The following CYCS variants were observed in gnomAD, a reference collection of about 807,000 sequenced individuals.
CYCS encodes cytochrome c.
For synonymous variants in CYCS, 41 were observed against 43.0 expected, an observed-to-expected ratio of 0.95 and a Z score of 0.18; for missense variants, 87 against 125.3, an observed-to-expected ratio of 0.69 and a Z score of 1.46.
rs948206041 is a variant in CYCS, at chr7:25,118,917, T to C, written c.*4784A>G. 3.9e-5 allele frequency among the ~76,000 whole-genome samples: 6 copies of C among 152,216 alleles called. No homozygotes were observed. The highest frequency in any genetic ancestry group is 2.6e-4 in the Admixed American group (4 of 15,280). On this transcript the variant is annotated 3_prime_UTR_variant, in exon 3 of 3. Transcript: ENST00000305786. ...TTACTTAGCTTTCTGAGGGAAATGA[T>C]AGCCTGAAGGCATGACGTTTTCAAA...
chr7:25,122,230 C>T lies in CYCS; in HGVS notation c.*1471G>A, dbSNP rs1783374567. The T allele has an allele frequency of 6.6e-6, 1 of 152,190 alleles. No individual in the cohort carries two copies. The highest frequency in any genetic ancestry group is 1.5e-5 in the Non-Finnish European group (1 of 68,022). 9.4% of individuals were successfully genotyped at this position (152,190 alleles called of 1,614,324 possible). On this transcript the variant is annotated 3_prime_UTR_variant, in exon 3 of 3. Coordinates refer to ENST00000305786, the MANE Select transcript of CYCS (RefSeq NM_018947.6). ...TTTAAATTCCCCACCAGAACTCAGA[C>T]TAGGACTTCAAATATGAATTACAGC...
rs1421611132 is a variant in CYCS at position 25,118,676 on chromosome 7, T to C, written c.*5025A>G. Among the ~76,000 whole-genome samples, 2 of 152,186 alleles carry C rather than the reference T, an allele frequency of 1.3e-5. No homozygotes were observed. Among genetic ancestry groups the C allele is most frequent in the South Asian group, 2.1e-4 (1 of 4,834 alleles). On this transcript the variant is annotated 3_prime_UTR_variant, in exon 3 of 3. Coordinates refer to ENST00000305786, the MANE Select transcript of CYCS (RefSeq NM_018947.6). Reference sequence around the variant, plus strand: ...TCAGATTGGGTCCACGGGCTGTTTATTGATACACACTAAACACAATTTTCT... The same window carrying C: ...TCAGATTGGGTCCACGGGCTGTTTACTGATACACACTAAACACAATTTTCT...
Position 25,118,910 on chromosome 7 carries a change from G to A in CYCS, c.*4791C>T, listed in dbSNP as rs1173721085. ...AGTAAATTTACTTAGCTTTCTGAGGGAAATGATAGCCTGAAGGCATGACGT... is the reference window on the plus strand; with the variant it reads ...AGTAAATTTACTTAGCTTTCTGAGGAAAATGATAGCCTGAAGGCATGACGT... On this transcript the variant is annotated 3_prime_UTR_variant, in exon 3 of 3. Transcript: ENST00000305786. 1.3e-5 allele frequency among the ~76,000 whole-genome samples: 2 copies of A among 152,150 alleles called. No homozygotes were observed. Among genetic ancestry groups the A allele is most frequent in the Non-Finnish European group, 2.9e-5 (2 of 68,038 alleles).
chr7:25,123,404 GA>G lies in CYCS; in HGVS notation c.*296del. On this transcript the variant is annotated 3_prime_UTR_variant, in exon 3 of 3. Coordinates refer to ENST00000305786, the MANE Select transcript of CYCS (RefSeq NM_018947.6). Reference sequence around the variant, plus strand: ...AAAACCAATCTCCAGTAAGTTTTAAGATGGCACTCACCATCTTTGTGAAAAG... The same window carrying G: ...AAAACCAATCTCCAGTAAGTTTTAAGTGGCACTCACCATCTTTGTGAAAAG... 2.7e-6 allele frequency: 1 copy of G among 374,562 alleles called. No individual in the cohort carries two copies. The highest frequency in any genetic ancestry group is 2.4e-5 in the South Asian group (1 of 41,292). The allele number at this position is 374,562 out of a possible 1,614,324, so 23.2% of individuals were successfully genotyped here. A position where few individuals can be genotyped will look rare whatever the true frequency, so the allele number is the denominator to read the frequency against.
At position 25,123,153 on chromosome 7, in the gene CYCS, A is replaced by G. The variant is rs1409982297; in HGVS notation, c.*548T>C. The G allele has an allele frequency of 6.2e-6, 1 of 161,252 alleles. No individual in the cohort carries two copies. Among genetic ancestry groups the G allele is most frequent in the Non-Finnish European group, 1.4e-5 (1 of 72,890 alleles). 10.0% of individuals were successfully genotyped at this position (161,252 alleles called of 1,614,324 possible). A position where few individuals can be genotyped will look rare whatever the true frequency, so the allele number is the denominator to read the frequency against. Reference sequence around the variant, plus strand: ...CATAAACCACACTAAAATGCCTTTCAATAAGTAAAAGAAACCATTTTAAAT... The same window carrying G: ...CATAAACCACACTAAAATGCCTTTCGATAAGTAAAAGAAACCATTTTAAAT... On this transcript the variant is annotated 3_prime_UTR_variant, in exon 3 of 3. Transcript: ENST00000305786.
chr7:25,122,399 TAC>T lies in CYCS; in HGVS notation c.*1300_*1301del. The T allele has an allele frequency of 6.6e-6, 1 of 152,370 alleles. No individual in the cohort carries two copies. 9.4% of individuals were successfully genotyped at this position (152,370 alleles called of 1,614,324 possible). A position where few individuals can be genotyped will look rare whatever the true frequency, so the allele number is the denominator to read the frequency against. ...CAGTCTTCTCACTGTCCCACAAAGATACAGTTCTCAGCTGCACCAGCATAGAT... is the reference window on the plus strand; with the variant it reads ...CAGTCTTCTCACTGTCCCACAAAGATAGTTCTCAGCTGCACCAGCATAGAT... On this transcript the variant is annotated 3_prime_UTR_variant, in exon 3 of 3. Coordinates refer to ENST00000305786, the MANE Select transcript of CYCS (RefSeq NM_018947.6).
At chr7:25,124,153 A>C (rs772837150) in intron 1 of CYCS, 26 bp from the exon 2 acceptor site, 2 of 1,595,314 alleles carry the variant, frequency 1.3e-6, no homozygotes, top group Non-Finnish European at 1.7e-6. Context: ...TCAACTTAGT[A>C]AATTTTTCCT....
rs1783402737 is a variant in CYCS, at chr7:25,123,984, C to T, written c.136G>A (p.Gly46Arg). The change falls in exon 2 of 3, where the codon GGA (glycine) becomes AGA (arginine). Residue 46 changes from glycine (G) to arginine (R), a missense_variant. Physicochemically the swap from Gly to Arg is moderately radical, Grantham distance 125. Coordinates refer to ENST00000305786, the MANE Select transcript of CYCS (RefSeq NM_018947.6). Reference protein sequence around the residue: ...LFGRKTGQAPGYSYTAANKNK... With the variant: ...LFGRKTGQAPRYSYTAANKNK... ...TTATTGGCGGCTGTGTAAGAGTATCCAGGGGCCTGACCTGTCTTCCGCCCA... is the reference window on the plus strand; with the variant it reads ...TTATTGGCGGCTGTGTAAGAGTATCTAGGGGCCTGACCTGTCTTCCGCCCA... The T allele has an allele frequency of 1.9e-6, 3 of 1,614,082 alleles. No homozygotes were observed. Among genetic ancestry groups the T allele is most frequent in the Middle Eastern group, 1.6e-4 (1 of 6,062 alleles).
rs1372214121 is a variant in CYCS, at chr7:25,120,083, A to T, written c.*3618T>A. 1 of 141,904 alleles carries T rather than the reference A, an allele frequency of 7.0e-6. No individual in the cohort carries two copies. Among genetic ancestry groups the T allele is most frequent in the Non-Finnish European group, 1.5e-5 (1 of 66,770 alleles). The allele number at this position is 141,904 out of a possible 1,614,324, so 8.8% of individuals were successfully genotyped here. A position where few individuals can be genotyped will look rare whatever the true frequency, so the allele number is the denominator to read the frequency against. ...AGGGCAATATAATGTACTTCCAAGA[A>T]TTCTAGATTTTTTTTTTTTTTTGGA... On this transcript the variant is annotated 3_prime_UTR_variant, in exon 3 of 3. Coordinates refer to ENST00000305786, the MANE Select transcript of CYCS (RefSeq NM_018947.6).
rs1234727828 is a variant in CYCS at position 25,120,642 on chromosome 7, A to G, written c.*3059T>C. The G allele has an allele frequency of 6.6e-6, 1 of 152,256 alleles. No individual in the cohort carries two copies. The highest frequency in any genetic ancestry group is 1.9e-4 in the East Asian group (1 of 5,204). 9.4% of individuals were successfully genotyped at this position (152,256 alleles called of 1,614,324 possible). ...GTTCTATTAGACAGCACTGTTCTAG[A>G]CAAAATAAGCATGTAGGTGGCATCT... On this transcript the variant is annotated 3_prime_UTR_variant, in exon 3 of 3. Coordinates refer to ENST00000305786, the MANE Select transcript of CYCS (RefSeq NM_018947.6).
At position 25,120,831 on chromosome 7, in the gene CYCS, A is replaced by T. The variant is rs970084956; in HGVS notation, c.*2870T>A. ...CCTGATAGAAATGTCCTTTTTAAAA[A>T]ATTACATAATTGGCCAGGCGTGGTG... On this transcript the variant is annotated 3_prime_UTR_variant, in exon 3 of 3. Transcript: ENST00000305786. 1 of 152,262 alleles carries T rather than the reference A, an allele frequency of 6.6e-6. No homozygotes were observed. The highest frequency in any genetic ancestry group is 1.5e-5 in the Non-Finnish European group (1 of 68,064). The allele number at this position is 152,262 out of a possible 1,614,324, so 9.4% of individuals were successfully genotyped here.
chr7:25,124,712 C>G (rs1220494648), intron 1 of CYCS: 3 of 159,080 alleles, frequency 1.9e-5, no homozygotes, highest in Non-Finnish European at 4.2e-5. Flanking sequence ...GGGGCGACCA[C>G]GAGGTCACCC....
rs7810784 is a variant in CYCS, at chr7:25,121,369, A to G, written c.*2332T>C. 0.38 allele frequency: 57,771 copies of G among 151,532 alleles called. 11,683 individuals carry two copies. The highest frequency in any genetic ancestry group is 0.54 in the East Asian group (2,725 of 5,092). The allele number at this position is 151,532 out of a possible 1,614,324, so 9.4% of individuals were successfully genotyped here. On this transcript the variant is annotated 3_prime_UTR_variant, in exon 3 of 3. Coordinates refer to ENST00000305786, the MANE Select transcript of CYCS (RefSeq NM_018947.6). ...ACCAGTCTGGCCAACATGGTGAAAC[A>G]CCATCTCCACTAAAAATACAAAAAT...
rs1185858747 is a variant in CYCS at position 25,119,122 on chromosome 7, A to G, written c.*4579T>C. Among the ~76,000 whole-genome samples, 1 of 152,126 alleles carries G rather than the reference A, an allele frequency of 6.6e-6. No individual in the cohort carries two copies. Among genetic ancestry groups the G allele is most frequent in the Non-Finnish European group, 1.5e-5 (1 of 68,022 alleles). On this transcript the variant is annotated 3_prime_UTR_variant, in exon 3 of 3. Transcript: ENST00000305786. ...CTAGAAGAGACTTATGTGGGAGACA[A>G]AGTTTCTGGTCAGGTGTATTTGTAT...
At position 25,122,304 on chromosome 7, in the gene CYCS, T is replaced by C. The variant is rs1783376068; in HGVS notation, c.*1397A>G. The C allele has an allele frequency of 6.6e-6, 1 of 152,224 alleles. No homozygotes were observed. The highest frequency in any genetic ancestry group is 6.5e-5 in the Admixed American group (1 of 15,274). The allele number at this position is 152,224 out of a possible 1,614,324, so 9.4% of individuals were successfully genotyped here. On this transcript the variant is annotated 3_prime_UTR_variant, in exon 3 of 3. Coordinates refer to ENST00000305786, the MANE Select transcript of CYCS (RefSeq NM_018947.6). ...AAAAATAAGACTCATATGTTATAAA[T>C]TGCTTTCAGGCCTTAAAACACCTAT...
rs1270345970 is a variant in CYCS at position 25,119,766 on chromosome 7, A to G, written c.*3935T>C. On this transcript the variant is annotated 3_prime_UTR_variant, in exon 3 of 3. Transcript: ENST00000305786. Reference sequence around the variant, plus strand: ...TCTAGTTTACTCTTACCCAAGTATAAATGATATGAAACAATCTGAGACTAG... The same window carrying G: ...TCTAGTTTACTCTTACCCAAGTATAGATGATATGAAACAATCTGAGACTAG... Among the ~76,000 whole-genome samples, 6 of 152,128 alleles carry G rather than the reference A, an allele frequency of 3.9e-5. No homozygotes were observed. Among genetic ancestry groups the G allele is most frequent in the African/African-American group, 1.4e-4 (6 of 41,410 alleles).
In CYCS at chr7:25,120,251, A is replaced by C. The variant is rs897602865; in HGVS notation, c.*3450T>G. 1 of 152,098 alleles carries C rather than the reference A, an allele frequency of 6.6e-6. No homozygotes were observed. Among genetic ancestry groups the C allele is most frequent in the Non-Finnish European group, 1.5e-5 (1 of 68,036 alleles). 9.4% of individuals were successfully genotyped at this position (152,098 alleles called of 1,614,324 possible). ...CAGGTGCCCACCACCACACCTGGCT[A>C]ATTTTTATGTTTTTTGTAGAGACAG... is the stretch of plus-strand genomic sequence containing the variant. On this transcript the variant is annotated 3_prime_UTR_variant, in exon 3 of 3. Coordinates refer to ENST00000305786, the MANE Select transcript of CYCS (RefSeq NM_018947.6).
chr7:25,119,598 G>GTTTTTTTTTTT lies in CYCS; in HGVS notation c.*4102_*4103insAAAAAAAAAAA. 6.7e-6 allele frequency among the ~76,000 whole-genome samples: 1 copy of GTTTTTTTTTTT among 149,398 alleles called. No homozygotes were observed. Among genetic ancestry groups the GTTTTTTTTTTT allele is most frequent in the African/African-American group, 2.5e-5 (1 of 40,596 alleles). ...GACCACTTTTTTTTTTTTTAAAAGA[G>GTTTTTTTTTTT]ATGGAGTTTCCTTTATCTGTTGCCC... On this transcript the variant is annotated 3_prime_UTR_variant, in exon 3 of 3. Coordinates refer to ENST00000305786, the MANE Select transcript of CYCS (RefSeq NM_018947.6).
chr7:25,119,414 T>G lies in CYCS; in HGVS notation c.*4287A>C, dbSNP rs1022228957. ...GCCTCAGCCTCTCAAATAGCTGCAA[T>G]TACAGGTGCCGCCACCACGCCCAGC... On this transcript the variant is annotated 3_prime_UTR_variant, in exon 3 of 3. Transcript: ENST00000305786. Among the ~76,000 whole-genome samples the G allele has an allele frequency of 4.0e-5, 6 of 151,658 alleles. No homozygotes were observed. The highest frequency in any genetic ancestry group is 8.8e-5 in the Non-Finnish European group (6 of 67,976).
Sources: allele counts gnomAD v4.1 joint callset (sites outside exome capture counted in the v4.1 genomes callset), GRCh38; gene constraint gnomAD v4.1.1; transcripts MANE v1.5; gene names NCBI Gene and HGNC (gene_info 2026-07-23, HGNC 2026-07-21).